Variants in PDE7B observed in about 807,000 individuals in gnomAD.
The protein encoded by PDE7B is 3',5'-cyclic-AMP phosphodiesterase 7B.
PDE7B carries 29 observed loss-of-function variants against 56.2 expected under a neutral mutation model. The ratio of observed to expected loss-of-function variants is 0.52; its 90% CI spans 0.38 to 0.70. The LOEUF is 0.70. Among genes scored for constraint, PDE7B ranks in the 30% least tolerant of loss-of-function variants. The pLI is 0.00. For synonymous variants in PDE7B, 197 were observed against 196.9 expected (o/e 1.00, Z 0.00); for missense variants, 490 against 565.0 (o/e 0.87, Z 1.35).
chr6:136,101,745 A>G (rs1024460838), intron 2 of PDE7B, among the ~76,000 whole-genome samples: 1 of 152,172 alleles, frequency 6.6e-6, no homozygotes, highest in Non-Finnish European at 1.5e-5. Context: ...CAAGATACCT[A>G]CACACTCCAG....
chr6:136,092,488 C>T (rs1026567261), intron 2 of PDE7B, among the ~76,000 whole-genome samples: 7 of 152,146 alleles, frequency 4.6e-5, no homozygotes, highest in African/African-American at 1.7e-4. Flanking sequence ...AGGCCGGGTA[C>T]GATGGCTCAT....
intron 1 of PDE7B, among the ~76,000 whole-genome samples, chr6:135,922,861 GA>G (rs1774112104): frequency 6.6e-6 from 1 of 152,182 alleles, no homozygotes; most frequent in Non-Finnish European, 1.5e-5. Flanking sequence ...TGATGAGGCA[GA>G]AAAACCTTTC....
intron 2 of PDE7B, among the ~76,000 whole-genome samples, chr6:136,022,688 T>C (rs564650690): frequency 1.3e-4 from 20 of 152,234 alleles, no homozygotes; most frequent in Non-Finnish European, 1.2e-4. Context: ...TGATACTCAC[T>C]GTGCAAGTGG....
intron 8 of PDE7B, among the ~76,000 whole-genome samples, chr6:136,170,071 T>C (rs1043648655): frequency 2.6e-5 from 4 of 152,162 alleles, no homozygotes; most frequent in Non-Finnish European, 5.9e-5. Flanking sequence ...TCAAGAATAG[T>C]TGCAGCTTTC....
intron 2 of PDE7B, among the ~76,000 whole-genome samples, chr6:136,088,196 G>A (rs979307703): frequency 1.3e-5 from 2 of 152,202 alleles, no homozygotes; most frequent in African/African-American, 4.8e-5. Flanking sequence ...GGAGCAGATG[G>A]AGATTGATGT....
rs77946151 is a variant in PDE7B at position 136,026,377 on chromosome 6, A to G, written c.82+78853A>G. ...AGATCTAAAATCCACCCTGCTGGTCACAGTCATGACCCAGGTGGCAGTGAA... is the reference window on the plus strand; with the variant it reads ...AGATCTAAAATCCACCCTGCTGGTCGCAGTCATGACCCAGGTGGCAGTGAA... On this transcript the variant is annotated intron_variant, in intron 2 of 12. Coordinates refer to ENST00000308191, the MANE Select transcript of PDE7B (RefSeq NM_018945.4). Among the ~76,000 whole-genome samples, 626 of 152,320 alleles carry G rather than the reference A, an allele frequency of 4.1e-3. 1 individual carries two copies. Among genetic ancestry groups the G allele is most frequent in the African/African-American group, 0.013 (546 of 41,560 alleles).
intron 2 of PDE7B, among the ~76,000 whole-genome samples, chr6:136,089,050 G>A (rs892399285): frequency 4.0e-5 from 6 of 150,568 alleles, no homozygotes; most frequent in African/African-American, 1.2e-4. Flanking sequence ...CCTAGAAACC[G>A]CAAAACACAA....
chr6:135,972,946 C>T (rs144435139), intron 2 of PDE7B, among the ~76,000 whole-genome samples: 72 of 152,250 alleles, frequency 4.7e-4, no homozygotes, highest in African/African-American at 1.5e-3. Context: ...ATTTTTGTAA[C>T]ATATTCTATT....
At chr6:135,948,517 A>G (rs868309949) in intron 2 of PDE7B, among the ~76,000 whole-genome samples, 1 of 152,010 alleles carries the variant, frequency 6.6e-6, no homozygotes, top group Non-Finnish European at 1.5e-5. Flanking sequence ...TTGGTAATTT[A>G]TAATTCAAAA....
chr6:136,008,594 G>A (rs901396481), intron 2 of PDE7B, among the ~76,000 whole-genome samples: 41 of 152,228 alleles, frequency 2.7e-4, no homozygotes, highest in Admixed American at 1.7e-3. Context: ...GTGAGGATGA[G>A]CATTTTTTCA....
chr6:135,936,476 G>A (rs868292291), intron 1 of PDE7B, among the ~76,000 whole-genome samples: 11 of 152,126 alleles, frequency 7.2e-5, no homozygotes, highest in African/African-American at 2.7e-4. Context: ...ATATTTGTTG[G>A]CAACACACAG....
At chr6:136,076,387 T>C (rs1302271030) in intron 2 of PDE7B, among the ~76,000 whole-genome samples, 1 of 152,020 alleles carries the variant, frequency 6.6e-6, no homozygotes, top group Non-Finnish European at 1.5e-5. Context: ...GCAGGAGAAT[T>C]GCTTGAACCC....
chr6:136,154,031 C>T, intron 6 of PDE7B, 44 bp from the exon 7 acceptor site: 2 of 1,304,586 alleles, frequency 1.5e-6, no homozygotes, highest in Non-Finnish European at 2.2e-6. Flanking sequence ...GTATACCACT[C>T]CTATTTGGGT....
intron 2 of PDE7B, among the ~76,000 whole-genome samples, chr6:135,975,486 C>T (rs1483541836): frequency 6.6e-6 from 1 of 151,528 alleles, no homozygotes; most frequent in Non-Finnish European, 1.5e-5. Flanking sequence ...CCAAATCCAG[C>T]CCTTTCCCTA....
intron 1 of PDE7B, among the ~76,000 whole-genome samples, chr6:135,938,338 T>C (rs1223214868): frequency 1.3e-5 from 2 of 152,226 alleles, no homozygotes; most frequent in Admixed American, 1.3e-4. Flanking sequence ...CTTGGGATTC[T>C]GAGACAATAA....
At chr6:135,913,491 C>A (rs750424242) in intron 1 of PDE7B, among the ~76,000 whole-genome samples, 1 of 152,144 alleles carries the variant, frequency 6.6e-6, no homozygotes, top group Non-Finnish European at 1.5e-5. Flanking sequence ...TAGTGCATAA[C>A]ACCTATGCCT....
chr6:136,187,878 T>A (rs1457953716), intron 12 of PDE7B, among the ~76,000 whole-genome samples: 1 of 152,214 alleles, frequency 6.6e-6, no homozygotes, highest in Non-Finnish European at 1.5e-5. Context: ...TTCTTTTCCT[T>A]GCAGTTCCCT....
At chr6:136,149,280 C>A in intron 5 of PDE7B, 130 bp downstream of exon 5, 2 of 671,594 alleles carry the variant, frequency 3.0e-6, no homozygotes, top group Admixed American at 2.4e-5. Context: ...AAACCTACAG[C>A]TACTGAAGAA....
chr6:135,964,590 T>G (rs79123494), intron 2 of PDE7B, among the ~76,000 whole-genome samples: 2,034 of 152,324 alleles, frequency 0.013, 55 homozygotes, highest in African/African-American at 0.045. Context: ...AGTTGATTTG[T>G]ATAATATTTT....
Sources: gnomAD v4.1 joint callset for allele counts (sites outside exome capture counted in the v4.1 genomes callset) on GRCh38, gnomAD v4.1.1 for gene constraint, MANE v1.5 for transcripts, NCBI Gene and HGNC (gene_info 2026-07-23, HGNC 2026-07-21) for gene names.